Variants in NLRP12 observed in about 807,000 individuals in gnomAD.
NLRP12 encodes NLR family pyrin domain containing 12.
Under a neutral mutation model 91.2 loss-of-function variants are expected in NLRP12, and 108 were observed. The ratio of observed to expected loss-of-function variants is 1.18; its 90% CI spans 1.01 to 1.39. The LOEUF is 1.39. Among genes scored for constraint, NLRP12 ranks in the 40% most tolerant of loss-of-function variants. The probability of loss-of-function intolerance (pLI) is 0.00; values close to 1 mark genes in which losing one functional copy is unlikely to be tolerated. For synonymous variants in NLRP12, 613 were observed against 566.7 expected (o/e 1.08, Z -1.16); for missense variants, 1,530 against 1,352.7 (o/e 1.13, Z -2.06).
In NLRP12 at chr19:53,819,655, A is replaced by ATGCGTATATATGTATG. The variant is rs1487922086; in HGVS notation, c.289+4230_289+4231insCATACATATATACGCA. 8.5e-4 allele frequency among the ~76,000 whole-genome samples: 69 copies of ATGCGTATATATGTATG among 81,276 alleles called. 16 individuals are homozygous for ATGCGTATATATGTATG. The highest frequency in any genetic ancestry group is 1.4e-3 in the Non-Finnish European group (54 of 39,860). 53.3% of individuals were successfully genotyped at this position (81,276 alleles called of 152,430 possible). The stretch of plus-strand genomic sequence containing the variant: ...TATATATGTATGTATACGTATATAT[A>ATGCGTATATATGTATG]TACACATGTATACATATATGTATGT... On this transcript the variant is annotated intron_variant, in intron 1 of 9. Coordinates refer to ENST00000324134, the MANE Select transcript of NLRP12 (RefSeq NM_144687.4).
intron 5 of NLRP12, among the ~76,000 whole-genome samples, chr19:53,804,734 AAAAT>A (rs2091930024): frequency 1.3e-5 from 2 of 151,350 alleles, no homozygotes; most frequent in African/African-American, 2.4e-5. Context: ...TTAAAAAAAA[AAAAT>A]TTTTGTAGGT....
In NLRP12 at chr19:53,810,231, A is replaced by G; in HGVS notation, c.1428T>C (p.Phe476=). ...ADGLWNQKIL[F]EEQDLRKHGL... ...CGTGCTTCCGGAGGTCCTGCTCCTC[A>G]AATAGGATTTTCTGATTCCAGAGCC... is the stretch of plus-strand genomic sequence containing the variant. The change falls in exon 3 of 10, where the codon TTT becomes TTC. Residue 476 remains phenylalanine, a synonymous_variant. Transcript: ENST00000324134. 1 of 1,614,130 alleles carries G rather than the reference A, an allele frequency of 6.2e-7. No homozygotes were observed. The highest frequency in any genetic ancestry group is 8.5e-7 in the Non-Finnish European group (1 of 1,180,022).
At chr19:53,821,440 G>C (rs1473454073) in intron 1 of NLRP12, among the ~76,000 whole-genome samples, 1 of 152,060 alleles carries the variant, frequency 6.6e-6, no homozygotes, top group Non-Finnish European at 1.5e-5. Flanking sequence ...AGGCCGAGAC[G>C]GCTGGATCAT....
chr19:53,796,249 C>A, intron 8 of NLRP12: 2 of 551,516 alleles, frequency 3.6e-6, no homozygotes, highest in Non-Finnish European at 3.3e-6. Flanking sequence ...ATTTTTGTAT[C>A]CTTTTATTTT....
Position 53,798,384 on chromosome 19 carries a change from G to C in NLRP12, c.2786C>G (p.Ala929Gly), listed in dbSNP as rs146671776. 3.7e-5 allele frequency: 59 copies of C among 1,613,996 alleles called. No individual in the cohort carries two copies. Among genetic ancestry groups the C allele is most frequent in the Non-Finnish European group, 4.8e-5 (57 of 1,180,038 alleles). The change falls in exon 8 of 10, where the codon GCC becomes GGC. Residue 929 changes from alanine (A) to glycine (G), a missense_variant. Transcript: ENST00000324134. ...GAGCACCACAGAAAGACCCTCACAG[G>C]CGGCAGAGCCCAGCCGGCAGATGCC... Reference protein sequence around the residue: ...RLGICRLGSAACEGLSVVLQA... With the variant: ...RLGICRLGSAGCEGLSVVLQA...
In NLRP12 at chr19:53,809,601, C is replaced by T. The variant is rs1014676111; in HGVS notation, c.2058G>A (p.Thr686=). ...DRARCSAGAH[T]LLVQLPERTV... ...GGGATACTTACAGCTGCACCAACAG[C>T]GTGTGCGCTCCTGCGGAGCACCTCG... is the stretch of plus-strand genomic sequence containing the variant. The change falls in exon 3 of 10, where the codon ACG becomes ACA. Residue 686 remains threonine (T), a synonymous_variant. Transcript: ENST00000324134. 3 of 1,611,338 alleles carry T rather than the reference C, an allele frequency of 1.9e-6. No individual in the cohort carries two copies. The highest frequency in any genetic ancestry group is 1.3e-5 in the African/African-American group (1 of 74,708).
chr19:53,820,384 G>A (rs1187364614), intron 1 of NLRP12, among the ~76,000 whole-genome samples: 7 of 152,174 alleles, frequency 4.6e-5, no homozygotes, highest in African/African-American at 1.7e-4. Flanking sequence ...ACAAAAATTA[G>A]CTGGGTGTGG....
chr19:53,799,430 A>G (rs1032914780), intron 7 of NLRP12, among the ~76,000 whole-genome samples: 10 of 152,094 alleles, frequency 6.6e-5, no homozygotes, highest in Admixed American at 3.3e-4. Flanking sequence ...TACAGTTGGC[A>G]TAGCTCCTAT....
chr19:53,823,996 A>T lies in NLRP12; in HGVS notation c.179T>A (p.Leu60His). 1 of 1,614,154 alleles carries T rather than the reference A, an allele frequency of 6.2e-7. No individual in the cohort carries two copies. The highest frequency in any genetic ancestry group is 8.5e-7 in the Non-Finnish European group (1 of 1,180,030). Residue 60 changes from leucine to histidine, a missense_variant, in exon 1 of 10, where the codon CTC becomes CAC. By Grantham distance (99) the Leu-to-His change is moderately conservative. Coordinates refer to ENST00000324134, the MANE Select transcript of NLRP12 (RefSeq NM_144687.4). ...KAGPLEMAQL[L>H]ITHFGPEEAW... ...CTCCTCTGGCCCGAAGTGGGTGATG[A>T]GCAGCTGGGCCATTTCCAGGGGACC...
rs775645336 is a variant in NLRP12, at chr19:53,798,303, C to T, written c.2867G>A (p.Trp956Ter). 6.2e-7 allele frequency: 1 copy of T among 1,614,208 alleles called. No individual in the cohort carries two copies. The change falls in exon 8 of 10, where the codon TGG (tryptophan) becomes TAG (stop). Residue 956 changes from tryptophan (W) to a stop codon, truncating the protein, a stop_gained. Coordinates refer to ENST00000324134, the MANE Select transcript of NLRP12 (RefSeq NM_144687.4). LOFTEE classifies it high-confidence loss of function. The stretch of plus-strand genomic sequence containing the variant: ...CCCCTCAGCCAGCAACCACAGGCCC[C>T]AGTCTCCCAGGTCGTTGAAACTCAA... ...LDLSFNDLGDWGLWLLAEGLQ... is the reference protein window; with the variant it reads ...LDLSFNDLGD
rs748297172 is a variant in NLRP12, at chr19:53,810,369, G to A, written c.1290C>T (p.Thr430=). 5.0e-6 allele frequency: 8 copies of A among 1,613,392 alleles called. No homozygotes were observed. The East Asian group carries it at 1.6e-4, about 31-fold the overall frequency. ...GGGLLRQTSR[T]TTAVYMLYLL... is the part of the protein sequence containing the mutation. ...GGTAGAGCATGTACACTGCAGTGGT[G>A]GTCCTGGACGTCTGTCTCAACAGCC... Residue 430 remains threonine (T), a synonymous_variant, in exon 3 of 10, where the codon ACC becomes ACT. Coordinates refer to ENST00000324134, the MANE Select transcript of NLRP12 (RefSeq NM_144687.4).
In NLRP12 at chr19:53,798,308, TCC is replaced by T; in HGVS notation, c.2860_2861del (p.Gly954ArgfsTer9). ...CAGCCAGCAACCACAGGCCCCAGTC[TCC>T]CAGGTCGTTGAAACTCAAGTCCAGC... is the stretch of plus-strand genomic sequence containing the variant. ...RELDLSFNDL[G>X]DWGLWLLAEG... is the part of the protein sequence containing the mutation. On this transcript the variant is annotated frameshift_variant, in exon 8 of 10. Coordinates refer to ENST00000324134, the MANE Select transcript of NLRP12 (RefSeq NM_144687.4). LOFTEE classifies it high-confidence loss of function. 1 of 1,614,088 alleles carries T rather than the reference TCC, an allele frequency of 6.2e-7. No individual in the cohort carries two copies. The highest frequency in any genetic ancestry group is 8.5e-7 in the Non-Finnish European group (1 of 1,180,020).
intron 2 of NLRP12, 123 bp from the exon 3 acceptor site, chr19:53,811,411 G>T: frequency 9.2e-7 from 1 of 1,092,808 alleles, no homozygotes; most frequent in Non-Finnish European, 1.4e-6. Flanking sequence ...CTACTCAGGA[G>T]GCTGAGATGG....
intron 9 of NLRP12, among the ~76,000 whole-genome samples, chr19:53,794,464 C>T (rs6509819): frequency 0.52 from 74,396 of 142,808 alleles, 19,513 homozygotes; most frequent in South Asian, 0.6. Flanking sequence ...GGACTACAGG[C>T]GCCCACCACC....
intron 1 of NLRP12, among the ~76,000 whole-genome samples, chr19:53,821,173 T>C (rs1440637401): frequency 6.6e-6 from 1 of 151,306 alleles, no homozygotes; most frequent in East Asian, 2.0e-4. Flanking sequence ...TTAGCAGGGA[T>C]TACTGGCGCC....
intron 9 of NLRP12, 29 bp from the exon 10 acceptor site, chr19:53,794,165 A>C (rs747129039): frequency 1.4e-6 from 2 of 1,418,676 alleles, no homozygotes; most frequent in Non-Finnish European, 2.0e-6. Context: ...ATATTATTCC[A>C]GTGTACTACT....
intron 3 of NLRP12, among the ~76,000 whole-genome samples, chr19:53,809,296 G>A (rs1285425602): frequency 6.6e-6 from 1 of 150,920 alleles, no homozygotes; most frequent in African/African-American, 2.4e-5. Context: ...ACTTTGGGAG[G>A]CCAAGGCGGG....
Position 53,823,948 on chromosome 19 carries a change from G to A in NLRP12, c.227C>T (p.Thr76Ile). 1 of 1,614,030 alleles carries A rather than the reference G, an allele frequency of 6.2e-7. No homozygotes were observed. Among genetic ancestry groups the A allele is most frequent in the Admixed American group, 1.7e-5 (1 of 59,982 alleles). The change falls in exon 1 of 10, where the codon ACC becomes ATC. Residue 76 changes from threonine (T) to isoleucine (I), a missense_variant. By Grantham distance (89) the Thr-to-Ile change is moderately conservative. Transcript: ENST00000324134. ...PEEAWRLALS[T>I]FERINRKDLW... ...GTCCTTCCTGTTTATCCGCTCAAAG[G>A]TGCTGAGAGCCAACCTCCAGGCCTC...
At chr19:53,815,225 C>CTTT (rs59179749) in intron 1 of NLRP12, among the ~76,000 whole-genome samples, 8,934 of 96,848 alleles carry the variant, frequency 0.092, 1,335 homozygotes, top group African/African-American at 0.26. Flanking sequence ...TCCAATCAGT[C>CTTT]TTTTTTTTTT....
Sources: allele counts gnomAD v4.1 joint callset (sites outside exome capture counted in the v4.1 genomes callset), GRCh38; gene constraint gnomAD v4.1.1; transcripts MANE v1.5; gene names NCBI Gene and HGNC (gene_info 2026-07-23, HGNC 2026-07-21).